ANKAR: variants seen among roughly 807,000 people sequenced by gnomAD.
The protein encoded by ANKAR is ankyrin and armadillo repeat containing.
ANKAR carries 136 observed loss-of-function variants against 146.2 expected under a neutral mutation model. That is an observed-to-expected ratio of 0.93 (90% CI 0.81 to 1.07). ANKAR has a LOEUF of 1.07. Among genes scored for constraint, ANKAR ranks in the 50% least tolerant of loss-of-function variants. The pLI, the probability that ANKAR is intolerant of heterozygous loss-of-function variation, is 0.00. For missense variants in ANKAR, 1,567 were observed against 1,679.9 expected, an observed-to-expected ratio of 0.93 and a Z score of 1.18; for synonymous variants, 500 against 575.8, an observed-to-expected ratio of 0.87 and a Z score of 1.88.
At chr2:189,696,516 T>C (rs2037222597) in intron 7 of ANKAR, 147 bp downstream of exon 7, 2 of 706,706 alleles carry the variant, frequency 2.8e-6, no homozygotes, top group Non-Finnish European at 2.3e-6. Flanking sequence ...TAAGAAAGGC[T>C]TCTTTTAGTT....
At chr2:189,742,150 A>C (rs2043397900) in intron 20 of ANKAR, among the ~76,000 whole-genome samples, 1 of 150,786 alleles carries the variant, frequency 6.6e-6, no homozygotes, top group Non-Finnish European at 1.5e-5. Context: ...TATCAGAATC[A>C]CCTGGAGGGC....
At chr2:189,696,551 T>A (rs1045161780) in intron 7 of ANKAR, among the ~76,000 whole-genome samples, 182 bp downstream of exon 7, 4 of 152,228 alleles carry the variant, frequency 2.6e-5, no homozygotes, top group African/African-American at 9.6e-5. Flanking sequence ...TATAGCTAGC[T>A]TATATGGTTT....
intron 7 of ANKAR, among the ~76,000 whole-genome samples, chr2:189,698,753 A>G (rs1221655491): frequency 2.0e-5 from 3 of 152,174 alleles, no homozygotes; most frequent in Non-Finnish European, 2.9e-5. Flanking sequence ...TCCTCCTCCA[A>G]TCTCCTGCCA....
chr2:189,720,418 T>A (rs1314586734), intron 11 of ANKAR, among the ~76,000 whole-genome samples: 2 of 152,102 alleles, frequency 1.3e-5, no homozygotes, highest in African/African-American at 4.8e-5. Flanking sequence ...TGGCTAATTT[T>A]TGTATTTTTA....
At chr2:189,735,003 TAA>T (rs1344463453) in intron 17 of ANKAR, among the ~76,000 whole-genome samples, 2 of 148,810 alleles carry the variant, frequency 1.3e-5, no homozygotes, top group Admixed American at 6.8e-5. Context: ...TACAGTAGAG[TAA>T]AAAAAAATAT....
Position 189,694,980 on chromosome 2 carries a change from G to C in ANKAR, c.1308-1G>C. Reference sequence around the variant, plus strand: ...ATCTTTTTTTTCTTTATTTTTTATAGCTACTATGTGATCTATTTTGAACTA... The same window carrying C: ...ATCTTTTTTTTCTTTATTTTTTATACCTACTATGTGATCTATTTTGAACTA... On this transcript the variant is annotated splice_acceptor_variant, in intron 5 of 22. Transcript: ENST00000684021. LOFTEE classifies it high-confidence loss of function. 1 of 1,452,628 alleles carries C rather than the reference G, an allele frequency of 6.9e-7. No individual in the cohort carries two copies. The highest frequency in any genetic ancestry group is 9.1e-7 in the Non-Finnish European group (1 of 1,093,968). The allele number at this position is 1,452,628 out of a possible 1,614,324, so 90.0% of individuals were successfully genotyped here.
rs557042392 is a variant in ANKAR at position 189,711,490 on chromosome 2, A to C, written c.2224+337A>C. ...TTATTCCTATTCTGTAATTTGCACA[A>C]TTTACTTTTGAAATTAAAAATAGCA... On this transcript the variant is annotated intron_variant, in intron 10 of 22. Transcript: ENST00000684021. Among the ~76,000 whole-genome samples the C allele has an allele frequency of 5.3e-5, 8 of 152,322 alleles. 1 individual carries two copies. In the East Asian group the frequency reaches 1.5e-3, roughly 29 times the overall value.
intron 9 of ANKAR, among the ~76,000 whole-genome samples, chr2:189,708,011 G>C (rs2252486): frequency 0.98 from 149,422 of 152,260 alleles, 73,379 homozygotes; most frequent in South Asian, 1. Flanking sequence ...GCCAAGGCTA[G>C]AATTCTCCTT....
At chr2:189,703,529 T>C (rs1406490953) in intron 7 of ANKAR, among the ~76,000 whole-genome samples, 1 of 152,126 alleles carries the variant, frequency 6.6e-6, no homozygotes, top group African/African-American at 2.4e-5. Context: ...TTTGAATACA[T>C]TAAGTTTGAG....
chr2:189,751,164 A>C (rs2045129067), downstream of ANKAR, among the ~76,000 whole-genome samples: 1 of 152,054 alleles, frequency 6.6e-6, no homozygotes, highest in South Asian at 2.1e-4. Context: ...GTTCCTCCTC[A>C]GTAACTAATT....
chr2:189,728,720 A>C lies in ANKAR; in HGVS notation c.3092A>C (p.Glu1031Ala). 1 of 1,614,084 alleles carries C rather than the reference A, an allele frequency of 6.2e-7. No individual in the cohort carries two copies. The highest frequency in any genetic ancestry group is 8.5e-7 in the Non-Finnish European group (1 of 1,179,956). Residue 1031 changes from glutamate (E) to alanine (A), a missense_variant, in exon 15 of 23, where the codon GAA becomes GCA. Glu to Ala is a moderately radical substitution (Grantham distance 107). Coordinates refer to ENST00000684021, the MANE Select transcript of ANKAR (RefSeq NM_001378068.1). ...DSRMHQNQIC[E>A]GNGIAPLVRL... ...AGGATGCATCAAAATCAAATATGTG[A>C]AGGGAATGGAATTGCACCATTGGTT...
At chr2:189,761,474 T>G, downstream of ANKAR, 1 of 1,612,888 alleles carries the variant, frequency 6.2e-7, no homozygotes, top group South Asian at 1.1e-5. Flanking sequence ...ATTTCCAGTT[T>G]CATCCACCAC....
chr2:189,728,742 G>A lies in ANKAR; in HGVS notation c.3114G>A (p.Leu1038=). The change falls in exon 15 of 23, where the codon TTG becomes TTA. Residue 1038 remains leucine (L), a synonymous_variant. Coordinates refer to ENST00000684021, the MANE Select transcript of ANKAR (RefSeq NM_001378068.1). ...QICEGNGIAP[L]VRLLRISTIA... is the part of the protein sequence containing the mutation. The stretch of plus-strand genomic sequence containing the variant: ...GTGAAGGGAATGGAATTGCACCATT[G>A]GTTCGCTTACTAAGAATTAGTACGA... 1 of 1,614,054 alleles carries A rather than the reference G, an allele frequency of 6.2e-7. No individual in the cohort carries two copies. Among genetic ancestry groups the A allele is most frequent in the South Asian group, 1.1e-5 (1 of 91,078 alleles).
chr2:189,749,449 T>C (rs2044750901), downstream of ANKAR, among the ~76,000 whole-genome samples: 1 of 151,590 alleles, frequency 6.6e-6, no homozygotes, highest in Admixed American at 6.6e-5. Context: ...CCTCCAGATA[T>C]AGAGGGTTAC....
At chr2:189,723,038 C>A (rs911458372) in intron 12 of ANKAR, among the ~76,000 whole-genome samples, 1 of 152,012 alleles carries the variant, frequency 6.6e-6, no homozygotes, top group African/African-American at 2.4e-5. Context: ...GTAAGCCTCC[C>A]TATATAACTT....
At chr2:189,714,145 T>G (rs2040091800) in intron 10 of ANKAR, among the ~76,000 whole-genome samples, 1 of 152,128 alleles carries the variant, frequency 6.6e-6, no homozygotes, top group African/African-American at 2.4e-5. Flanking sequence ...AGACTTAGAC[T>G]CCCACACAAT....
At chr2:189,728,629 A>G (rs769136567) in intron 14 of ANKAR, 31 bp from the exon 15 acceptor site, 2 of 1,606,950 alleles carry the variant, frequency 1.2e-6, no homozygotes, top group South Asian at 1.1e-5. Context: ...GCACTGGAGT[A>G]TCATACATGT....
At chr2:189,751,579 C>T (rs939764690), downstream of ANKAR, among the ~76,000 whole-genome samples, 3 of 150,556 alleles carry the variant, frequency 2.0e-5, no homozygotes, top group Non-Finnish European at 4.4e-5. Context: ...CGAGTAGCTG[C>T]GATTACAGGT....
chr2:189,742,945 C>T (rs1427080884), intron 20 of ANKAR, among the ~76,000 whole-genome samples: 1 of 143,580 alleles, frequency 7.0e-6, no homozygotes, highest in Admixed American at 7.0e-5. Context: ...CACACACACA[C>T]ACACACACAC....
Sources: allele counts gnomAD v4.1 joint callset (sites outside exome capture counted in the v4.1 genomes callset), GRCh38; gene constraint gnomAD v4.1.1; transcripts MANE v1.5; gene names NCBI Gene and HGNC (gene_info 2026-07-23, HGNC 2026-07-21).